The following SPAG16 variants were observed in gnomAD, a reference collection of about 807,000 sequenced individuals.
The protein encoded by SPAG16 is sperm-associated antigen 16 protein.
In SPAG16, 86 loss-of-function variants were observed where a neutral mutation model predicts 80.4. The observed-to-expected ratio is 1.07, with a 90% CI of 0.90 to 1.28. The LOEUF (loss-of-function observed/expected upper bound fraction) is 1.28, where lower values mean the gene tolerates loss of function less well. SPAG16 is among the 50% of genes most tolerant of loss of function. SPAG16 has a pLI of 0.00. For synonymous variants in SPAG16, 294 were observed against 265.9 expected (o/e 1.11, Z -1.03); for missense variants, 870 against 765.3 (o/e 1.14, Z -1.61).
intron 11 of SPAG16, among the ~76,000 whole-genome samples, chr2:213,869,273 ATATATATG>A (rs1194074724): frequency 7.8e-5 from 9 of 115,846 alleles, no homozygotes; most frequent in Non-Finnish European, 1.4e-4. Context: ...AAATATATAT[ATATATATG>A]TATATATATA....
chr2:213,492,698 T>G (rs931781892), intron 10 of SPAG16, among the ~76,000 whole-genome samples: 5 of 151,870 alleles, frequency 3.3e-5, no homozygotes, highest in East Asian at 1.9e-4. Flanking sequence ...TTTTTTTTTT[T>G]TGTGCTTGGG....
intron 10 of SPAG16, among the ~76,000 whole-genome samples, chr2:213,573,769 C>T (rs1003984925): frequency 6.6e-6 from 1 of 152,052 alleles, no homozygotes; most frequent in Non-Finnish European, 1.5e-5. Context: ...TTTGCTGGTA[C>T]AAACAAAGAT....
chr2:213,378,037 A>G (rs1012007578), intron 9 of SPAG16, among the ~76,000 whole-genome samples: 9 of 152,110 alleles, frequency 5.9e-5, no homozygotes, highest in African/African-American at 2.2e-4. Context: ...AGCCAGTCCG[A>G]GTCCCAAAAC....
chr2:213,411,776 C>T (rs905297502), intron 9 of SPAG16, among the ~76,000 whole-genome samples: 1 of 151,994 alleles, frequency 6.6e-6, no homozygotes, highest in African/African-American at 2.4e-5. Flanking sequence ...ACCATACATC[C>T]GTAAGTAGAT....
At chr2:213,643,605 A>C (rs181953872) in intron 10 of SPAG16, among the ~76,000 whole-genome samples, 1 of 148,910 alleles carries the variant, frequency 6.7e-6, no homozygotes, top group Non-Finnish European at 1.5e-5. Context: ...TTCTACCCCT[A>C]TCTCTTTTTC....
At chr2:214,135,094 G>C (rs1427840869) in intron 14 of SPAG16, among the ~76,000 whole-genome samples, 6 of 152,140 alleles carry the variant, frequency 3.9e-5, no homozygotes. Context: ...TACTTTCTTA[G>C]ATTCTACAGT....
intron 15 of SPAG16, among the ~76,000 whole-genome samples, chr2:214,183,244 C>T (rs527368594): frequency 6.6e-6 from 1 of 151,966 alleles, no homozygotes; most frequent in Admixed American, 6.6e-5. Context: ...CATTTCTGTC[C>T]CCATATCATG....
chr2:213,320,334 C>T (rs1232219999), intron 5 of SPAG16, among the ~76,000 whole-genome samples: 3 of 152,062 alleles, frequency 2.0e-5, no homozygotes, highest in Non-Finnish European at 4.4e-5. Context: ...TGATTACATA[C>T]ATACAATGTG....
At chr2:213,794,956 A>G (rs976164562) in intron 10 of SPAG16, among the ~76,000 whole-genome samples, 1 of 152,270 alleles carries the variant, frequency 6.6e-6, no homozygotes. Context: ...TAGAATGTTA[A>G]TTTATTCTCT....
rs35678406 is a variant in SPAG16, at chr2:213,969,868, TAAAAA to T, written c.1400+39727_1400+39731del. 1.1e-4 allele frequency among the ~76,000 whole-genome samples: 16 copies of T among 151,888 alleles called. No individual in the cohort carries two copies. In the South Asian group the frequency reaches 1.5e-3, roughly 14 times the overall value. ...ACTATGCTTATAATTATTTAACAGTTAAAAAAAAGGCACAGTAGTTGTCTCACTCC... is the reference window on the plus strand; with the variant it reads ...ACTATGCTTATAATTATTTAACAGTTAAAGGCACAGTAGTTGTCTCACTCC... On this transcript the variant is annotated intron_variant, in intron 12 of 15. Coordinates refer to ENST00000331683, the MANE Select transcript of SPAG16 (RefSeq NM_024532.5).
At chr2:213,355,746 A>C (rs1378116460) in intron 7 of SPAG16, among the ~76,000 whole-genome samples, 2 of 152,210 alleles carry the variant, frequency 1.3e-5, no homozygotes, top group African/African-American at 4.8e-5. Flanking sequence ...GTTGCTTATC[A>C]GCTTAAGGAG....
chr2:213,511,513 T>C (rs1460852323), intron 10 of SPAG16, among the ~76,000 whole-genome samples: 1 of 152,122 alleles, frequency 6.6e-6, no homozygotes, highest in Admixed American at 6.5e-5. Context: ...GTTAGATTTT[T>C]CTATAGCATA....
At chr2:214,178,901 C>A (rs77526382) in intron 15 of SPAG16, among the ~76,000 whole-genome samples, 2 of 150,884 alleles carry the variant, frequency 1.3e-5, no homozygotes, top group African/African-American at 4.9e-5. Context: ...TTATATATAG[C>A]GTGTAAATAA....
chr2:213,652,564 T>C (rs766767227), intron 10 of SPAG16, among the ~76,000 whole-genome samples: 2 of 152,172 alleles, frequency 1.3e-5, no homozygotes, highest in African/African-American at 2.4e-5. Context: ...TTTCATATTG[T>C]CTATATTGTA....
At chr2:213,618,635 A>G (rs1405393841) in intron 10 of SPAG16, among the ~76,000 whole-genome samples, 1 of 151,974 alleles carries the variant, frequency 6.6e-6, no homozygotes, top group Non-Finnish European at 1.5e-5. Context: ...CATTTATCCT[A>G]TGCCTTAAAC....
At chr2:213,597,538 C>G (rs1201949945) in intron 10 of SPAG16, among the ~76,000 whole-genome samples, 1 of 152,090 alleles carries the variant, frequency 6.6e-6, no homozygotes, top group Non-Finnish European at 1.5e-5. Context: ...TAGAAATTTA[C>G]TGAAACAAGA....
intron 10 of SPAG16, among the ~76,000 whole-genome samples, chr2:213,785,281 CATT>C (rs2070267118): frequency 6.6e-6 from 1 of 151,998 alleles, no homozygotes; most frequent in Admixed American, 6.6e-5. Context: ...AAGCTGAAGA[CATT>C]ATATAAAATT....
intron 13 of SPAG16, among the ~76,000 whole-genome samples, chr2:214,092,508 T>A (rs886182805): frequency 1.8e-5 from 2 of 110,146 alleles, no homozygotes; most frequent in Non-Finnish European, 4.2e-5. Context: ...TATATATAAA[T>A]ATATATATAT....
chr2:213,342,376 T>A (rs898197976), intron 6 of SPAG16, among the ~76,000 whole-genome samples: 25 of 142,540 alleles, frequency 1.8e-4, no homozygotes, highest in Non-Finnish European at 2.8e-4. Context: ...TATATATGTA[T>A]TATATATATA....
Sources: allele counts gnomAD v4.1 joint callset (sites outside exome capture counted in the v4.1 genomes callset), GRCh38; gene constraint gnomAD v4.1.1; transcripts MANE v1.5; gene names NCBI Gene and HGNC (gene_info 2026-07-23, HGNC 2026-07-21).